Variants in MS4A8 observed in about 807,000 individuals in gnomAD.
The protein encoded by MS4A8 is membrane spanning 4-domains A8, also known as membrane-spanning 4-domains subfamily A member 8.
Under a neutral mutation model 23.7 loss-of-function variants are expected in MS4A8, and 27 were observed. The observed-to-expected ratio is 1.14, with a 90% CI of 0.84 to 1.57. The LOEUF (loss-of-function observed/expected upper bound fraction) is 1.57, where lower values mean the gene tolerates loss of function less well. MS4A8 is among the 40% of genes most tolerant of loss of function. The pLI, the probability that MS4A8 is intolerant of heterozygous loss-of-function variation, is 0.00. For missense variants in MS4A8, 301 were observed against 311.4 expected (o/e 0.97, Z 0.25); for synonymous variants, 138 against 126.3 (o/e 1.09, Z -0.62).
chr11:60,705,870 G>T (rs753471045), intron 3 of MS4A8, among the ~76,000 whole-genome samples: 4 of 152,180 alleles, frequency 2.6e-5, no homozygotes, highest in Non-Finnish European at 4.4e-5. Context: ...TGAAAACTCC[G>T]CTGGATGATG....
chr11:60,715,087 G>T lies in MS4A8; in HGVS notation c.601G>T (p.Ala201Ser), dbSNP rs201465289. The T allele has an allele frequency of 3.1e-6, 5 of 1,614,050 alleles. No homozygotes were observed. The highest frequency in any genetic ancestry group is 4.2e-6 in the Non-Finnish European group (5 of 1,179,998). The change falls in exon 6 of 7, where the codon GCA becomes TCA. Residue 201 changes from alanine (A) to serine (S), a missense_variant. By Grantham distance (99) the Ala-to-Ser change is moderately conservative (BLOSUM62 1). Transcript: ENST00000300226. The part of the protein sequence containing the change: ...FCLLEFGIAC[A>S]SSHFGCQLVC... ...CCTCCTGGAGTTTGGCATCGCATGC[G>T]CATCTTCCCACTTTGGCTGCCAGTT... is the stretch of plus-strand genomic sequence containing the variant.
intron 5 of MS4A8, among the ~76,000 whole-genome samples, chr11:60,709,477 A>G (rs2088283910): frequency 2.0e-5 from 3 of 152,242 alleles, no homozygotes; most frequent in African/African-American, 7.2e-5. Flanking sequence ...TCATTTCAAC[A>G]TGTAATCAGT....
At chr11:60,704,116 C>CTTTTTTT (rs1245958477) in intron 3 of MS4A8, among the ~76,000 whole-genome samples, 23 of 126,870 alleles carry the variant, frequency 1.8e-4, no homozygotes, top group East Asian at 4.3e-4. Context: ...TTTCTTTTTA[C>CTTTTTTT]TTTTTTTTTT....
intron 1 of MS4A8, among the ~76,000 whole-genome samples, chr11:60,700,416 G>A (rs1193216064): frequency 6.6e-6 from 1 of 152,080 alleles, no homozygotes; most frequent in Non-Finnish European, 1.5e-5. Flanking sequence ...TGTGGTGGCG[G>A]GGGCCTGTAA....
intron 1 of MS4A8, among the ~76,000 whole-genome samples, chr11:60,700,432 G>C (rs1045815775): frequency 1.3e-5 from 2 of 152,178 alleles, no homozygotes; most frequent in African/African-American, 4.8e-5. Flanking sequence ...TGTAATCCCA[G>C]ATACTCAGGA....
intron 5 of MS4A8, chr11:60,711,763 C>T (rs2088302263): frequency 8.8e-6 from 4 of 455,150 alleles, no homozygotes; most frequent in African/African-American, 2.0e-5. Flanking sequence ...CCAAGCAGCA[C>T]AGCCAGGTGC....
intron 5 of MS4A8, 33 bp downstream of exon 5, chr11:60,708,814 G>A (rs1433485713): frequency 6.2e-7 from 1 of 1,612,800 alleles, no homozygotes; most frequent in Admixed American, 1.7e-5. Flanking sequence ...GATCCTCTAA[G>A]TTCTGAATTA....
chr11:60,710,920 G>A (rs1362293487), intron 5 of MS4A8, among the ~76,000 whole-genome samples: 1 of 152,124 alleles, frequency 6.6e-6, no homozygotes, highest in Non-Finnish European at 1.5e-5. Flanking sequence ...TGTTCCCACA[G>A]CTTCCTCTGT....
At chr11:60,709,711 T>G (rs938314950) in intron 5 of MS4A8, among the ~76,000 whole-genome samples, 12 of 152,212 alleles carry the variant, frequency 7.9e-5, no homozygotes, top group Non-Finnish European at 1.5e-5. Context: ...CCTCCTCTCC[T>G]ACCTGCTCAA....
At chr11:60,700,132 T>G (rs2088188754) in intron 1 of MS4A8, among the ~76,000 whole-genome samples, 1 of 152,234 alleles carries the variant, frequency 6.6e-6, no homozygotes, top group African/African-American at 2.4e-5. Flanking sequence ...TCTTGTCCAC[T>G]CTCTCACCCT....
At chr11:60,710,043 T>C (rs1044933008) in intron 5 of MS4A8, among the ~76,000 whole-genome samples, 2 of 152,188 alleles carry the variant, frequency 1.3e-5, no homozygotes, top group African/African-American at 4.8e-5. Flanking sequence ...GGGTGATTGA[T>C]CCTTCTTCTC....
chr11:60,704,702 C>T (rs1229802819), intron 3 of MS4A8, among the ~76,000 whole-genome samples: 1 of 152,088 alleles, frequency 6.6e-6, no homozygotes, highest in African/African-American at 2.4e-5. Context: ...GGGTCCATAG[C>T]TTTCATCAGA....
chr11:60,703,660 A>G (rs777903108), intron 3 of MS4A8, among the ~76,000 whole-genome samples, 160 bp downstream of exon 3: 5 of 152,172 alleles, frequency 3.3e-5, no homozygotes, highest in African/African-American at 1.2e-4. Flanking sequence ...CCGCAAGCAT[A>G]TTAGTTTGGT....
At chr11:60,701,214 G>A in intron 2 of MS4A8, 135 bp downstream of exon 2, 1 of 822,232 alleles carries the variant, frequency 1.2e-6, no homozygotes, top group South Asian at 1.5e-5. Context: ...CCAAGCACAG[G>A]TCTATTAGAA....
chr11:60,713,426 C>T (rs974507802), intron 5 of MS4A8, among the ~76,000 whole-genome samples: 3 of 152,040 alleles, frequency 2.0e-5, no homozygotes, highest in Non-Finnish European at 2.9e-5. Flanking sequence ...AAGGTAAACA[C>T]GTGAACAAAT....
chr11:60,715,449 C>A lies in MS4A8; in HGVS notation c.*35C>A. The A allele has an allele frequency of 6.5e-7, 1 of 1,544,204 alleles. No homozygotes were observed. The highest frequency in any genetic ancestry group is 8.9e-7 in the Non-Finnish European group (1 of 1,120,252). On this transcript the variant is annotated 3_prime_UTR_variant, in exon 7 of 7. Transcript: ENST00000300226. The stretch of plus-strand genomic sequence containing the variant: ...TTCTGGAAGCATCTTTCACTGGGAC[C>A]AAAAGAAGTCCTCCTCCCTTTCTGG...
At chr11:60,700,831 A>G in intron 1 of MS4A8, 29 bp from the exon 2 acceptor site, 1 of 1,612,922 alleles carries the variant, frequency 6.2e-7, no homozygotes, top group Middle Eastern at 1.7e-4. Flanking sequence ...TATGTGAGGG[A>G]AAATTCTCTC....
intron 5 of MS4A8, chr11:60,712,382 A>G (rs1268691974): frequency 1.0e-6 from 1 of 985,314 alleles, no homozygotes; most frequent in African/African-American, 1.7e-5. Context: ...CAGATGTTTA[A>G]TAACCACTTG....
At position 60,703,599 on chromosome 11, in the gene MS4A8, C is replaced by T; in HGVS notation, c.342+99C>T. ...GTGCAGCTGTGCCCTGCAGAAGGTT[C>T]CCAGCCACCCAAATGTGGGGGATAG... On this transcript the variant is annotated intron_variant, in intron 3 of 6. Coordinates refer to ENST00000300226, the MANE Select transcript of MS4A8 (RefSeq NM_031457.2). 2.1e-6 allele frequency: 3 copies of T among 1,395,380 alleles called. No homozygotes were observed. The South Asian group carries it at 3.9e-5, about 18-fold the overall frequency. 86.4% of individuals were successfully genotyped at this position (1,395,380 alleles called of 1,614,324 possible).
Sources: allele counts gnomAD v4.1 joint callset (sites outside exome capture counted in the v4.1 genomes callset), GRCh38; gene constraint gnomAD v4.1.1; transcripts MANE v1.5; gene names NCBI Gene and HGNC (gene_info 2026-07-23, HGNC 2026-07-21).